Variants in ITPR1 observed in about 807,000 individuals in gnomAD.
ITPR1 encodes inositol 1,4,5-trisphosphate-gated calcium channel ITPR1.
ITPR1 carries 96 observed loss-of-function variants against 318.4 expected under a neutral mutation model. That is an observed-to-expected ratio of 0.30 (90% confidence interval 0.26 to 0.36). ITPR1 has a LOEUF of 0.36. ITPR1 is among the 10% of genes least tolerant of loss of function. The pLI, the probability that ITPR1 is intolerant of heterozygous loss-of-function variation, is 1.00. For missense variants in ITPR1, 2,440 were observed against 3,460.2 expected, an observed-to-expected ratio of 0.71 and a Z score of 7.40; for synonymous variants, 1,312 against 1,289.9, an observed-to-expected ratio of 1.02 and a Z score of -0.37.
intron 44 of ITPR1, 61 bp from the exon 45 acceptor site, chr3:4,766,469 T>A: frequency 7.0e-7 from 1 of 1,434,848 alleles, no homozygotes; most frequent in Non-Finnish European, 9.7e-7. Flanking sequence ...TTTGGTGTCA[T>A]GAGTGGGGTG....
intron 60 of ITPR1, among the ~76,000 whole-genome samples, chr3:4,825,036 T>G (rs2049984329): frequency 6.6e-6 from 1 of 152,226 alleles, no homozygotes; most frequent in African/African-American, 2.4e-5. Context: ...ACAGCCAGAC[T>G]GGAGCTTCCA....
At chr3:4,764,173 G>T (rs116333849) in intron 44 of ITPR1, among the ~76,000 whole-genome samples, 1 of 143,496 alleles carries the variant, frequency 7.0e-6, no homozygotes, top group Non-Finnish European at 1.5e-5. Flanking sequence ...TTGCCCCCAT[G>T]ATTTTTTTGT....
chr3:4,646,475 G>A (rs2093460211), intron 10 of ITPR1, among the ~76,000 whole-genome samples: 1 of 152,232 alleles, frequency 6.6e-6, no homozygotes, highest in Non-Finnish European at 1.5e-5. Context: ...CTTGTTTGGT[G>A]AAGGGCACGG....
intron 32 of ITPR1, among the ~76,000 whole-genome samples, chr3:4,692,013 G>A (rs1005279444): frequency 6.6e-6 from 1 of 152,100 alleles, no homozygotes; most frequent in Non-Finnish European, 1.5e-5. Context: ...AATTAGCTGG[G>A]TGTAGTGGCA....
At chr3:4,501,936 C>T (rs534299631) in intron 2 of ITPR1, among the ~76,000 whole-genome samples, 14 of 152,286 alleles carry the variant, frequency 9.2e-5, no homozygotes, top group South Asian at 4.1e-4. Flanking sequence ...TGATATAATG[C>T]GGCTTATCAG....
chr3:4,600,639 G>A (rs1009709558), intron 4 of ITPR1, among the ~76,000 whole-genome samples: 10 of 152,130 alleles, frequency 6.6e-5, no homozygotes, highest in Admixed American at 5.2e-4. Context: ...ATGATAGTCC[G>A]TGGACTGTTT....
At chr3:4,745,040 A>T (rs4684442) in intron 44 of ITPR1, among the ~76,000 whole-genome samples, 147,557 of 147,572 alleles carry the variant, frequency 1, 73,771 homozygotes, top group Middle Eastern at 1. Context: ...TTTCTTCTTT[A>T]TCTCTTTCTT....
intron 2 of ITPR1, among the ~76,000 whole-genome samples, chr3:4,497,380 C>A (rs971877152): frequency 1.3e-5 from 2 of 152,178 alleles, no homozygotes; most frequent in African/African-American, 4.8e-5. Context: ...ATTTCTTGAG[C>A]ACCTGCTATG....
rs777702426 is a variant in ITPR1 at position 4,768,581 on chromosome 3, G to A, written c.5796G>A (p.Arg1932=). The A allele has an allele frequency of 6.2e-7, 1 of 1,614,016 alleles. No individual in the cohort carries two copies. The highest frequency in any genetic ancestry group is 8.5e-7 in the Non-Finnish European group (1 of 1,179,882). The change falls in exon 46 of 62, where the codon AGG becomes AGA. Residue 1932 remains arginine (R), a synonymous_variant. Transcript: ENST00000649015. ...DQLLEASAAT[R]KAFTTFRREA... ...TCCTGGAGGCCTCCGCTGCCACCAG[G>A]AAAGCCTTCACCACTTTCAGGAGGG...
intron 2 of ITPR1, among the ~76,000 whole-genome samples, chr3:4,497,476 G>A (rs904703874): frequency 1.3e-5 from 2 of 152,152 alleles, no homozygotes; most frequent in African/African-American, 4.8e-5. Flanking sequence ...TTGGTGGGAG[G>A]CAGCCAATAT....
chr3:4,633,441 T>G (rs918916108), intron 5 of ITPR1, among the ~76,000 whole-genome samples: 1 of 152,230 alleles, frequency 6.6e-6, no homozygotes, highest in Non-Finnish European at 1.5e-5. Context: ...ATTTTTATTT[T>G]TCTCAACTAC....
At chr3:4,613,011 C>T (rs1024747256) in intron 4 of ITPR1, among the ~76,000 whole-genome samples, 3 of 152,218 alleles carry the variant, frequency 2.0e-5, no homozygotes, top group Non-Finnish European at 4.4e-5. Flanking sequence ...AGGTTAAGGA[C>T]GTGCCTGTGA....
At chr3:4,819,498 CTTTAAG>C (rs1164961444) in intron 60 of ITPR1, among the ~76,000 whole-genome samples, 1 of 152,222 alleles carries the variant, frequency 6.6e-6, no homozygotes, top group African/African-American at 2.4e-5. Flanking sequence ...GGGAATCACC[CTTTAAG>C]TAGTAAGAGC....
chr3:4,612,606 T>C (rs1185576721), intron 4 of ITPR1, among the ~76,000 whole-genome samples: 2 of 152,050 alleles, frequency 1.3e-5, no homozygotes, highest in Non-Finnish European at 2.9e-5. Context: ...CTGCTTATTG[T>C]CTGGGCATGG....
At chr3:4,615,912 G>C (rs573314344) in intron 4 of ITPR1, among the ~76,000 whole-genome samples, 1 of 152,290 alleles carries the variant, frequency 6.6e-6, no homozygotes, top group South Asian at 2.1e-4. Context: ...TCTATTTAGA[G>C]AAAGCATCTG....
intron 61 of ITPR1, among the ~76,000 whole-genome samples, chr3:4,838,706 G>A (rs772660426): frequency 6.6e-6 from 1 of 152,200 alleles, no homozygotes. Context: ...ATGCCAATGC[G>A]AGTGGCATTC....
In ITPR1 at chr3:4,815,323, G is replaced by A. The variant is rs947635391; in HGVS notation, c.7867+105G>A. 1.7e-5 allele frequency: 17 copies of A among 1,018,498 alleles called. No individual in the cohort carries two copies. The East Asian group carries it at 3.4e-4, about 20-fold the overall frequency. The allele number at this position is 1,018,498 out of a possible 1,614,324, so 63.1% of individuals were successfully genotyped here. A position where few individuals can be genotyped will look rare whatever the true frequency, so the allele number is the denominator to read the frequency against. ...GGGCGGGGTGCCTGCCCAGTTATGC[G>A]GGAGGGGGCACCGGCTGCTGCTTCG... On this transcript the variant is annotated intron_variant, in intron 59 of 61. Coordinates refer to ENST00000649015, the MANE Select transcript of ITPR1 (RefSeq NM_001378452.1).
At chr3:4,734,905 G>A (rs2043167268) in intron 43 of ITPR1, among the ~76,000 whole-genome samples, 1 of 152,192 alleles carries the variant, frequency 6.6e-6, no homozygotes, top group African/African-American at 2.4e-5. Context: ...GTCCCTTGCT[G>A]GAAATGTATC....
intron 2 of ITPR1, among the ~76,000 whole-genome samples, chr3:4,499,752 T>C (rs9843389): frequency 0.039 from 5,871 of 152,302 alleles, 368 homozygotes; most frequent in African/African-American, 0.13. Flanking sequence ...TGTATCCCCT[T>C]GGGGTACCAT....
Sources: gnomAD v4.1 joint callset for allele counts (sites outside exome capture counted in the v4.1 genomes callset) on GRCh38, gnomAD v4.1.1 for gene constraint, MANE v1.5 for transcripts, NCBI Gene and HGNC (gene_info 2026-07-23, HGNC 2026-07-21) for gene names.